The following FBXL17 variants were observed in gnomAD, a reference collection of about 807,000 sequenced individuals.
FBXL17 encodes F-box/LRR-repeat protein 17.
FBXL17 carries 22 observed loss-of-function variants against 66.2 expected under a neutral mutation model. That is an observed-to-expected ratio of 0.33 (90% CI 0.24 to 0.47). The LOEUF (loss-of-function observed/expected upper bound fraction) is 0.47, where lower values mean the gene tolerates loss of function less well. Ranked by LOEUF, FBXL17 falls within the 20% of genes least tolerant of loss-of-function variation. The pLI, the probability that FBXL17 is intolerant of heterozygous loss-of-function variation, is 1.00. For synonymous variants in FBXL17, 474 were observed against 400.5 expected, an observed-to-expected ratio of 1.18 and a Z score of -2.19; for missense variants, 878 against 948.2, an observed-to-expected ratio of 0.93 and a Z score of 0.97.
At chr5:108,188,156 C>T (rs976719897) in intron 5 of FBXL17, among the ~76,000 whole-genome samples, 1 of 152,054 alleles carries the variant, frequency 6.6e-6, no homozygotes, top group Admixed American at 6.6e-5. Context: ...AATTGCCAGG[C>T]AGTACTCACA....
At chr5:108,269,862 T>C (rs1259283089) in intron 4 of FBXL17, among the ~76,000 whole-genome samples, 3 of 152,118 alleles carry the variant, frequency 2.0e-5, no homozygotes, top group Admixed American at 6.5e-5. Flanking sequence ...CAAGTTACTT[T>C]ACTACTTGAA....
In FBXL17 at chr5:107,907,391, C is replaced by G. The variant is rs537915953; in HGVS notation, c.1823-26212G>C. On this transcript the variant is annotated intron_variant, in intron 7 of 8. Coordinates refer to ENST00000542267, the MANE Select transcript of FBXL17 (RefSeq NM_001163315.3). ...CAAACACATACATACGGGCTCAGAA[C>G]TAAGCACCTGTGAACTCTCAACACA... 1.2e-3 allele frequency among the ~76,000 whole-genome samples: 184 copies of G among 152,266 alleles called. 1 individual carries two copies. Among genetic ancestry groups the G allele is most frequent in the Non-Finnish European group, 2.2e-3 (152 of 68,012 alleles).
At chr5:108,293,005 G>A (rs1262645607) in intron 4 of FBXL17, among the ~76,000 whole-genome samples, 2 of 150,902 alleles carry the variant, frequency 1.3e-5, no homozygotes, top group Non-Finnish European at 3.0e-5. Context: ...GCAGAATGGC[G>A]TGAACCCGGG....
intron 8 of FBXL17, among the ~76,000 whole-genome samples, chr5:107,862,784 G>T (rs1422939133): frequency 6.6e-6 from 1 of 151,706 alleles, no homozygotes; most frequent in Non-Finnish European, 1.5e-5. Context: ...TATTGGAAAA[G>T]ATCAGGACCA....
intron 5 of FBXL17, among the ~76,000 whole-genome samples, chr5:108,202,925 C>T (rs114120549): frequency 0.014 from 2,194 of 151,932 alleles, 33 homozygotes; most frequent in South Asian, 0.042. Context: ...TTACACAGTG[C>T]GTTTAACTTA....
chr5:107,984,566 T>G (rs572801946), intron 7 of FBXL17, among the ~76,000 whole-genome samples: 1 of 152,236 alleles, frequency 6.6e-6, no homozygotes, highest in East Asian at 1.9e-4. Flanking sequence ...TCTAATGTCC[T>G]CTCCCTTTAC....
At chr5:108,284,083 A>G (rs116455741) in intron 4 of FBXL17, among the ~76,000 whole-genome samples, 3,751 of 151,908 alleles carry the variant, frequency 0.025, 149 homozygotes, top group African/African-American at 0.085. Flanking sequence ...TAAACACTGT[A>G]GTGGGCATGT....
chr5:108,338,655 G>C (rs752473715), intron 4 of FBXL17, among the ~76,000 whole-genome samples: 8 of 152,000 alleles, frequency 5.3e-5, no homozygotes, highest in Non-Finnish European at 8.8e-5. Flanking sequence ...AAGAGAAGAA[G>C]GGTTGGGAAA....
rs11434163 is a variant in FBXL17, at chr5:108,177,900, G to GAA, written c.1745+8215_1745+8216dup. On this transcript the variant is annotated intron_variant, in intron 6 of 8. Transcript: ENST00000542267. ...AGCTATTGCTATTATCCTTGCTCCA[G>GAA]AAAAAAAAATGTATATATATATATA... 1.2e-3 allele frequency among the ~76,000 whole-genome samples: 150 copies of GAA among 129,038 alleles called. 6 individuals carry two copies. Among genetic ancestry groups the GAA allele is most frequent in the African/African-American group, 2.7e-3 (97 of 35,852 alleles). The allele number at this position is 129,038 out of a possible 152,430, so 84.7% of individuals were successfully genotyped here.
intron 7 of FBXL17, among the ~76,000 whole-genome samples, chr5:108,012,073 C>A (rs1036835668): frequency 2.6e-5 from 4 of 152,180 alleles, no homozygotes; most frequent in African/African-American, 9.6e-5. Flanking sequence ...ATATGAAAAG[C>A]AGAGAAATTT....
intron 5 of FBXL17, among the ~76,000 whole-genome samples, chr5:108,206,761 C>T (rs1754135875): frequency 6.6e-6 from 1 of 152,174 alleles, no homozygotes; most frequent in Non-Finnish European, 1.5e-5. Context: ...ATTGTTTATA[C>T]ATACACCAAC....
At chr5:107,902,593 T>C (rs4957728) in intron 7 of FBXL17, among the ~76,000 whole-genome samples, 121,918 of 152,020 alleles carry the variant, frequency 0.8, 49,289 homozygotes, top group African/African-American at 0.85. Context: ...TCCCTCAGAC[T>C]TAAGCAAAGC....
chr5:108,357,774 A>G (rs1165141709), intron 3 of FBXL17, among the ~76,000 whole-genome samples: 2 of 151,996 alleles, frequency 1.3e-5, no homozygotes, highest in African/African-American at 2.4e-5. Context: ...TACAACGTGC[A>G]GGTTTGTTAC....
intron 6 of FBXL17, among the ~76,000 whole-genome samples, chr5:108,033,142 T>C (rs1746707585): frequency 6.6e-6 from 1 of 152,182 alleles, no homozygotes; most frequent in South Asian, 2.1e-4. Flanking sequence ...AAACCCATTA[T>C]CCATCACTTA....
At chr5:107,924,968 G>A (rs1750476587) in intron 7 of FBXL17, among the ~76,000 whole-genome samples, 1 of 152,158 alleles carries the variant, frequency 6.6e-6, no homozygotes. Context: ...CCTGTCAAGT[G>A]GAACCTCAAG....
Position 108,262,066 on chromosome 5 carries a change from A to ATTT in FBXL17, c.1507-37841_1507-37839dup, listed in dbSNP as rs1164308201. 1.8e-3 allele frequency among the ~76,000 whole-genome samples: 239 copies of ATTT among 133,970 alleles called. 4 individuals are homozygous for ATTT. Among genetic ancestry groups the ATTT allele is most frequent in the African/African-American group, 7.0e-3 (230 of 32,998 alleles). 87.9% of individuals were successfully genotyped at this position (133,970 alleles called of 152,430 possible). On this transcript the variant is annotated intron_variant, in intron 4 of 8. Transcript: ENST00000542267. The stretch of plus-strand genomic sequence containing the variant: ...AAAGTGATACATATTTTATTTATTT[A>ATTT]TTTATTTATTTATTTATTTATTTTT...
intron 7 of FBXL17, among the ~76,000 whole-genome samples, chr5:107,958,958 A>AT (rs1751781049): frequency 6.6e-6 from 1 of 152,206 alleles, no homozygotes; most frequent in Admixed American, 6.5e-5. Flanking sequence ...AATGTCAAGT[A>AT]TGGTCAAGGT....
intron 6 of FBXL17, among the ~76,000 whole-genome samples, chr5:108,066,461 AATT>A (rs1288387789): frequency 2.6e-5 from 4 of 151,986 alleles, no homozygotes; most frequent in South Asian, 2.1e-4. Flanking sequence ...AATTTATAAA[AATT>A]ATTATAATTT....
At chr5:108,215,671 T>C (rs1305189207) in intron 5 of FBXL17, among the ~76,000 whole-genome samples, 1 of 152,230 alleles carries the variant, frequency 6.6e-6, no homozygotes, top group Non-Finnish European at 1.5e-5. Context: ...CTCTTCAATT[T>C]CTTGAGAGTA....
Sources: allele counts gnomAD v4.1 joint callset (sites outside exome capture counted in the v4.1 genomes callset), GRCh38; gene constraint gnomAD v4.1.1; transcripts MANE v1.5; gene names NCBI Gene and HGNC (gene_info 2026-07-23, HGNC 2026-07-21).